The following RPRD2 variants were observed in gnomAD, a reference collection of about 807,000 sequenced individuals.
RPRD2 encodes regulation of nuclear pre-mRNA domain containing 2.
In RPRD2, 12 loss-of-function variants were observed where a neutral mutation model predicts 104.4. The ratio of observed to expected loss-of-function variants is 0.11; its 90% CI spans 0.07 to 0.19. RPRD2 has a LOEUF of 0.19. RPRD2 is among the 10% of genes least tolerant of loss of function. The pLI, the probability that RPRD2 is intolerant of heterozygous loss-of-function variation, is 1.00. For missense variants in RPRD2, 1,543 were observed against 1,790.1 expected (o/e 0.86, Z 2.49); for synonymous variants, 714 against 684.9 (o/e 1.04, Z -0.66).
rs761653366 is a variant in RPRD2, at chr1:150,472,635, A to G, written c.3687A>G (p.Arg1229=). ...PPKDHGGIFS[R]DAPTHLPSVD... The stretch of plus-strand genomic sequence containing the variant: ...AGGATCATGGTGGTATCTTCTCTCG[A>G]GATGCACCCACTCATCTACCCTCTG... Residue 1229 remains arginine (R), a synonymous_variant, in exon 11 of 11, where the codon CGA becomes CGG. Coordinates refer to ENST00000369068, the MANE Select transcript of RPRD2 (RefSeq NM_015203.5). 12 of 1,613,760 alleles carry G rather than the reference A, an allele frequency of 7.4e-6. No homozygotes were observed. The highest frequency in any genetic ancestry group is 1.0e-5 in the Non-Finnish European group (12 of 1,179,782).
chr1:150,390,234 C>T (rs1661961886), intron 1 of RPRD2, among the ~76,000 whole-genome samples: 1 of 152,186 alleles, frequency 6.6e-6, no homozygotes, highest in South Asian at 2.1e-4. Context: ...TGGCTCACGC[C>T]TGTAATCCCA....
chr1:150,429,169 C>CA (rs1665382055), intron 2 of RPRD2, among the ~76,000 whole-genome samples: 1 of 151,232 alleles, frequency 6.6e-6, no homozygotes, highest in South Asian at 2.1e-4. Context: ...CTCAGCTCAC[C>CA]ACAACCTTTG....
chr1:150,368,712 CCT>C (rs1660041350), intron 1 of RPRD2, among the ~76,000 whole-genome samples: 2 of 152,068 alleles, frequency 1.3e-5, no homozygotes, highest in African/African-American at 2.4e-5. Context: ...GATCCACCTG[CCT>C]CTCAGCCTCC....
chr1:150,440,432 ACCAATAC>A (rs1173147272), intron 2 of RPRD2, among the ~76,000 whole-genome samples: 1 of 152,206 alleles, frequency 6.6e-6, no homozygotes, highest in African/African-American at 2.4e-5. Context: ...AACAGAATAA[ACCAATAC>A]CCTTTACTTC....
rs1003448036 is a variant in RPRD2, at chr1:150,414,193, C to T, written c.206-3403C>T. ...TCTACAGATATGGGAGTCATTGATACATAGGTTGAAGTAGTTAAAGCAACT... is the reference window on the plus strand; with the variant it reads ...TCTACAGATATGGGAGTCATTGATATATAGGTTGAAGTAGTTAAAGCAACT... On this transcript the variant is annotated intron_variant, in intron 1 of 10. Coordinates refer to ENST00000369068, the MANE Select transcript of RPRD2 (RefSeq NM_015203.5). Among the ~76,000 whole-genome samples, 4 of 152,138 alleles carry T rather than the reference C, an allele frequency of 2.6e-5. No homozygotes were observed. In the East Asian group the frequency reaches 7.7e-4, roughly 29 times the overall value.
intron 1 of RPRD2, among the ~76,000 whole-genome samples, chr1:150,410,773 T>C (rs1663834546): frequency 6.6e-6 from 1 of 152,188 alleles, no homozygotes. Context: ...CATAACAAAA[T>C]ACCACAGACT....
intron 10 of RPRD2, among the ~76,000 whole-genome samples, chr1:150,468,879 GA>G (rs71578502): frequency 6.5e-4 from 93 of 142,286 alleles, no homozygotes; most frequent in African/African-American, 1.5e-3. Context: ...CCTGTCTCTT[GA>G]AAAAAAAAAA....
chr1:150,401,895 G>A (rs1397586400), intron 1 of RPRD2, among the ~76,000 whole-genome samples: 1 of 151,544 alleles, frequency 6.6e-6, no homozygotes, highest in Admixed American at 6.6e-5. Flanking sequence ...CGCCTGCCTT[G>A]GCCTCCCAAA....
At chr1:150,437,689 C>T (rs892784846) in intron 2 of RPRD2, among the ~76,000 whole-genome samples, 1 of 151,992 alleles carries the variant, frequency 6.6e-6, no homozygotes, top group Admixed American at 6.6e-5. Flanking sequence ...AACCGATTCC[C>T]CCACCTCAGC....
intron 7 of RPRD2, among the ~76,000 whole-genome samples, chr1:150,456,300 A>G (rs1667520014): frequency 6.6e-6 from 1 of 152,166 alleles, no homozygotes; most frequent in Non-Finnish European, 1.5e-5. Context: ...GAGCAAGGGA[A>G]TATAAATTAC....
Position 150,364,655 on chromosome 1 carries a change from C to CCCGCCGCCGCCGCCGCCGCCG in RPRD2, c.-54_-34dup. On this transcript the variant is annotated 5_prime_UTR_variant, in exon 1 of 11. Transcript: ENST00000369068. ...ACTCGCAGTGATTGTTTTGCCCGCT[C>CCCGCCGCCGCCGCCGCCGCCG]CCGCCGCCGCCGCCGCCGCCGCCGC... is the stretch of plus-strand genomic sequence containing the variant. 1.1e-6 allele frequency: 1 copy of CCCGCCGCCGCCGCCGCCGCCG among 895,704 alleles called. No individual in the cohort carries two copies. The highest frequency in any genetic ancestry group is 2.9e-5 in the Admixed American group (1 of 34,994). 55.5% of individuals were successfully genotyped at this position (895,704 alleles called of 1,614,324 possible). A position where few individuals can be genotyped will look rare whatever the true frequency, so the allele number is the denominator to read the frequency against.
rs1185193769 is a variant in RPRD2, at chr1:150,413,227, G to A, written c.206-4369G>A. Among the ~76,000 whole-genome samples, 3 of 152,022 alleles carry A rather than the reference G, an allele frequency of 2.0e-5. No individual in the cohort carries two copies. The East Asian group carries it at 5.8e-4, about 29-fold the overall frequency. Reference sequence around the variant, plus strand: ...TGGAGATTTATTAATAGGTGTAGGGGGATAAGGAGGAGAAGGAGTCAGAAT... The same window carrying A: ...TGGAGATTTATTAATAGGTGTAGGGAGATAAGGAGGAGAAGGAGTCAGAAT... On this transcript the variant is annotated intron_variant, in intron 1 of 10. Coordinates refer to ENST00000369068, the MANE Select transcript of RPRD2 (RefSeq NM_015203.5).
intron 1 of RPRD2, among the ~76,000 whole-genome samples, chr1:150,368,313 G>C (rs1175504012): frequency 1.4e-5 from 2 of 146,122 alleles, no homozygotes; most frequent in African/African-American, 5.1e-5. Flanking sequence ...ATTTTTTTGA[G>C]ATGGAATTTC....
At chr1:150,408,539 T>C (rs1663667084) in intron 1 of RPRD2, among the ~76,000 whole-genome samples, 3 of 152,228 alleles carry the variant, frequency 2.0e-5, no homozygotes, top group Admixed American at 1.3e-4. Flanking sequence ...CGAACTCTCA[T>C]GCAAGCATCT....
At chr1:150,416,435 G>T (rs1451935819) in intron 1 of RPRD2, among the ~76,000 whole-genome samples, 2 of 152,030 alleles carry the variant, frequency 1.3e-5, no homozygotes, top group Admixed American at 1.3e-4. Flanking sequence ...CCGAATGTGA[G>T]GTCAAGGAAC....
At chr1:150,419,244 A>G (rs1011970195) in intron 2 of RPRD2, among the ~76,000 whole-genome samples, 1 of 152,226 alleles carries the variant, frequency 6.6e-6, no homozygotes, top group Non-Finnish European at 1.5e-5. Flanking sequence ...AACAATATAT[A>G]GAGCAATATA....
At chr1:150,409,647 C>CTTTTTT (rs10684353) in intron 1 of RPRD2, among the ~76,000 whole-genome samples, 9 of 114,598 alleles carry the variant, frequency 7.9e-5, no homozygotes, top group Non-Finnish European at 1.2e-4. Flanking sequence ...TGTTGCAATT[C>CTTTTTT]TTTTTTTTTT....
chr1:150,404,498 G>A (rs1016511629), intron 1 of RPRD2, among the ~76,000 whole-genome samples: 35 of 151,684 alleles, frequency 2.3e-4, no homozygotes, highest in African/African-American at 7.3e-4. Flanking sequence ...CTCCTGCCTC[G>A]CTCGGCCTCC....
chr1:150,464,748 G>C, intron 10 of RPRD2, 21 bp downstream of exon 10: 1 of 1,579,996 alleles, frequency 6.3e-7, no homozygotes, highest in African/African-American at 1.4e-5. Context: ...TATGCCAGAG[G>C]GACTCGAATT....
Sources: gnomAD v4.1 joint callset for allele counts (sites outside exome capture counted in the v4.1 genomes callset) on GRCh38, gnomAD v4.1.1 for gene constraint, MANE v1.5 for transcripts, NCBI Gene and HGNC (gene_info 2026-07-23, HGNC 2026-07-21) for gene names.